TCERG1L: variants seen among roughly 807,000 people sequenced by gnomAD.
The protein encoded by TCERG1L is transcription elongation regulator 1 like.
TCERG1L carries 37 observed loss-of-function variants against 56.3 expected under a neutral mutation model. The ratio of observed to expected loss-of-function variants is 0.66; its 90% confidence interval spans 0.51 to 0.87. TCERG1L has a LOEUF of 0.87. Among genes scored for constraint, TCERG1L ranks in the 40% least tolerant of loss-of-function variants. The pLI is 0.00. For synonymous variants in TCERG1L, 324 were observed against 326.3 expected (o/e 0.99, Z 0.08); for missense variants, 799 against 774.2 (o/e 1.03, Z -0.38).
chr10:131,177,187 C>T (rs897555423), intron 4 of TCERG1L, among the ~76,000 whole-genome samples: 23 of 40,142 alleles, frequency 5.7e-4, no homozygotes, highest in Non-Finnish European at 1.2e-3. Context: ...CAGACATGCA[C>T]ACACAAAGAC....
intron 4 of TCERG1L, among the ~76,000 whole-genome samples, chr10:131,253,641 G>C (rs989216848): frequency 2.6e-5 from 4 of 152,258 alleles, no homozygotes; most frequent in African/African-American, 9.6e-5. Flanking sequence ...TGGGCTGGGT[G>C]GGTGTGCGAT....
At chr10:131,182,751 C>T (rs1308835607) in intron 4 of TCERG1L, among the ~76,000 whole-genome samples, 1 of 110,014 alleles carries the variant, frequency 9.1e-6, no homozygotes, top group Non-Finnish European at 1.9e-5. Context: ...CAGTGCTCAC[C>T]TAACTGATTT....
chr10:131,177,184 GCACA>G (rs902859451), intron 4 of TCERG1L, among the ~76,000 whole-genome samples: 20 of 33,332 alleles, frequency 6.0e-4, no homozygotes, highest in Admixed American at 9.1e-4. Context: ...ACACAGACAT[GCACA>G]CACAAAGACA....
In TCERG1L at chr10:131,308,304, A is replaced by G. The variant is rs1181945743; in HGVS notation, c.577T>C (p.Leu193=). The part of the protein sequence containing the change: ...RFFHGHEKPR[L]LANQVAVSLS... Reference sequence around the variant, plus strand: ...GACACAGCTACTTGATTTGCCAGCAAACGAGGCTTTTCATGCCCATGGAAA... The same window carrying G: ...GACACAGCTACTTGATTTGCCAGCAGACGAGGCTTTTCATGCCCATGGAAA... The change falls in exon 3 of 12, where the codon TTG becomes CTG. Residue 193 remains leucine (L), a synonymous_variant. Transcript: ENST00000368642. 1 of 1,614,014 alleles carries G rather than the reference A, an allele frequency of 6.2e-7. No individual in the cohort carries two copies. Among genetic ancestry groups the G allele is most frequent in the Admixed American group, 1.7e-5 (1 of 60,016 alleles).
At chr10:131,212,870 T>C (rs2133489961) in intron 4 of TCERG1L, among the ~76,000 whole-genome samples, 1 of 152,244 alleles carries the variant, frequency 6.6e-6, no homozygotes, top group African/African-American at 2.4e-5. Flanking sequence ...TGATATGAGG[T>C]AGGAAGTGTG....
At chr10:131,155,680 C>G (rs1210514280) in intron 6 of TCERG1L, among the ~76,000 whole-genome samples, 1 of 152,190 alleles carries the variant, frequency 6.6e-6, no homozygotes, top group Non-Finnish European at 1.5e-5. Flanking sequence ...CCCATGCAGG[C>G]AGGGGGCTGA....
At chr10:131,200,297 C>G (rs1439575829) in intron 4 of TCERG1L, among the ~76,000 whole-genome samples, 2 of 152,180 alleles carry the variant, frequency 1.3e-5, no homozygotes, top group Non-Finnish European at 2.9e-5. Context: ...GAACAGAGGA[C>G]AGAAGTCCAA....
chr10:131,137,390 C>T (rs934320653), intron 7 of TCERG1L, among the ~76,000 whole-genome samples: 1 of 152,206 alleles, frequency 6.6e-6, no homozygotes, highest in African/African-American at 2.4e-5. Flanking sequence ...GCCTTCTGGC[C>T]GTCTCATTCG....
chr10:131,199,554 A>G (rs1248972682), intron 4 of TCERG1L, among the ~76,000 whole-genome samples: 1 of 147,538 alleles, frequency 6.8e-6, no homozygotes, highest in Admixed American at 6.9e-5. Flanking sequence ...CTGAGAAAGA[A>G]AATAAACTTT....
intron 4 of TCERG1L, among the ~76,000 whole-genome samples, chr10:131,197,600 G>C (rs957890450): frequency 1.2e-4 from 18 of 152,102 alleles, no homozygotes; most frequent in Non-Finnish European, 2.2e-4. Context: ...AGTCATCCCT[G>C]GGGAATTTTT....
chr10:131,149,705 G>C (rs1037321827), intron 6 of TCERG1L, among the ~76,000 whole-genome samples: 1 of 152,178 alleles, frequency 6.6e-6, no homozygotes, highest in Non-Finnish European at 1.5e-5. Flanking sequence ...TTGGCAACAC[G>C]TAGGACGTGG....
Position 131,265,811 on chromosome 10 carries a change from C to T in TCERG1L, c.671-5367G>A, listed in dbSNP as rs187343653. On this transcript the variant is annotated intron_variant, in intron 3 of 11. Transcript: ENST00000368642. ...CTCTTTTGCCAGTGGAGGGTCTTGCCTCGATGTTGATGGCCGCTGACTGAT... is the reference window on the plus strand; with the variant it reads ...CTCTTTTGCCAGTGGAGGGTCTTGCTTCGATGTTGATGGCCGCTGACTGAT... Among the ~76,000 whole-genome samples the T allele has an allele frequency of 7.9e-5, 12 of 152,354 alleles. No individual in the cohort carries two copies. The East Asian group carries it at 1.9e-3, about 24-fold the overall frequency.
Position 131,309,197 on chromosome 10 carries a change from G to A in TCERG1L, c.445C>T (p.Pro149Ser), listed in dbSNP as rs779870034. 8.7e-6 allele frequency: 14 copies of A among 1,610,650 alleles called. No homozygotes were observed. Among genetic ancestry groups the A allele is most frequent in the Middle Eastern group, 1.6e-4 (1 of 6,072 alleles). ...PHLCPSALAT[P>S]IGKSWIDKRI... ...TTGTCTATCCAACTTTTCCCAATAG[G>A]GGTTGCAAGAGCAGAAGGGCAGAGA... Residue 149 changes from proline to serine, a missense_variant, in exon 2 of 12, where the codon CCT (proline) becomes TCT (serine). Coordinates refer to ENST00000368642, the MANE Select transcript of TCERG1L (RefSeq NM_174937.4).
intron 6 of TCERG1L, among the ~76,000 whole-genome samples, chr10:131,157,534 T>C (rs12573404): frequency 0.025 from 3,873 of 152,166 alleles, 201 homozygotes; most frequent in East Asian, 0.24. Flanking sequence ...TTATTGTGAA[T>C]AAGTGGGAGT....
At chr10:131,241,673 A>T (rs1409097151) in intron 4 of TCERG1L, among the ~76,000 whole-genome samples, 1 of 152,052 alleles carries the variant, frequency 6.6e-6, no homozygotes, top group Non-Finnish European at 1.5e-5. Context: ...GCATGAACAC[A>T]GTGGATAGCG....
intron 4 of TCERG1L, among the ~76,000 whole-genome samples, chr10:131,257,808 C>A (rs1049285144): frequency 6.6e-6 from 1 of 152,138 alleles, no homozygotes; most frequent in Non-Finnish European, 1.5e-5. Context: ...CAGTTGGGGA[C>A]CATTAAGCTA....
In TCERG1L at chr10:131,093,042, G is replaced by C; in HGVS notation, c.*120C>G. The stretch of plus-strand genomic sequence containing the variant: ...CTGAGAACGAAGACCCCGCAGTGCC[G>C]GTGCCCGCTGGGCCGTGCAGGTCTC... On this transcript the variant is annotated 3_prime_UTR_variant, in exon 12 of 12. Transcript: ENST00000368642. 4.1e-6 allele frequency: 4 copies of C among 986,264 alleles called. No individual in the cohort carries two copies. In the East Asian group the frequency reaches 1.0e-4, roughly 25 times the overall value. The allele number at this position is 986,264 out of a possible 1,614,324, so 61.1% of individuals were successfully genotyped here. A position where few individuals can be genotyped will look rare whatever the true frequency, so the allele number is the denominator to read the frequency against.
chr10:131,104,448 C>T (rs1486393692), intron 9 of TCERG1L, 94 bp from the exon 10 acceptor site: 2 of 782,706 alleles, frequency 2.6e-6, no homozygotes, highest in Non-Finnish European at 4.3e-6. Context: ...AAATGAACAA[C>T]AAAAACCAGC....
chr10:131,257,114 C>T lies in TCERG1L; in HGVS notation c.856+3145G>A, dbSNP rs117145899. On this transcript the variant is annotated intron_variant, in intron 4 of 11. Transcript: ENST00000368642. ...AAGTGGAACAGGAGCAGGCTCTGCC[C>T]GGCCTATCAACGCTCAGAAGGGAGC... Among the ~76,000 whole-genome samples the T allele has an allele frequency of 1.1e-4, 16 of 152,012 alleles. No individual in the cohort carries two copies. In the East Asian group the frequency reaches 2.5e-3, roughly 24 times the overall value.
Sources: allele counts gnomAD v4.1 joint callset (sites outside exome capture counted in the v4.1 genomes callset), GRCh38; gene constraint gnomAD v4.1.1; transcripts MANE v1.5; gene names NCBI Gene and HGNC (gene_info 2026-07-23, HGNC 2026-07-21).